Variants in KCTD18 observed in about 807,000 individuals in gnomAD.
KCTD18 encodes the protein potassium channel tetramerization domain containing 18.
Under a neutral mutation model 30.4 loss-of-function variants are expected in KCTD18, and 22 were observed. The ratio of observed to expected loss-of-function variants is 0.72; its 90% CI spans 0.52 to 1.03. The LOEUF (loss-of-function observed/expected upper bound fraction) is 1.03, where lower values mean the gene tolerates loss of function less well. Ranked by LOEUF, KCTD18 falls within the 50% of genes least tolerant of loss-of-function variation. The pLI is 0.00. For synonymous variants in KCTD18, 186 were observed against 209.0 expected, an observed-to-expected ratio of 0.89 and a Z score of 0.95; for missense variants, 529 against 547.6, an observed-to-expected ratio of 0.97 and a Z score of 0.34.
In KCTD18 at chr2:200,504,866, C is replaced by A. The variant is rs146525246; in HGVS notation, c.254G>T (p.Arg85Leu). 4 of 1,613,974 alleles carry A rather than the reference C, an allele frequency of 2.5e-6. No individual in the cohort carries two copies. The highest frequency in any genetic ancestry group is 3.4e-6 in the Non-Finnish European group (4 of 1,179,988). The change falls in exon 3 of 7, where the codon CGC (arginine) becomes CTC (leucine). Residue 85 changes from arginine to leucine, a missense_variant. Arg to Leu is a moderately radical substitution (Grantham distance 102). Coordinates refer to ENST00000359878, the MANE Select transcript of KCTD18 (RefSeq NM_152387.4). ...ATCAGCCTCTTCCTGTAGGGCGATG[C>A]GGGTTTGCTCATCTGTGGGAATCTG... ...EVQIPTDEQT[R>L]IALQEEADYF...
rs181056732 is a variant in KCTD18 at position 200,493,129 on chromosome 2, C to T, written c.764+43G>A. 6.3e-5 allele frequency: 72 copies of T among 1,148,638 alleles called. No homozygotes were observed. In the Middle Eastern group the frequency reaches 2.9e-3, roughly 47 times the overall value. The allele number at this position is 1,148,638 out of a possible 1,614,324, so 71.2% of individuals were successfully genotyped here. On this transcript the variant is annotated intron_variant, in intron 6 of 6. Transcript: ENST00000359878. ...TTCACAAAGGCAGTAAAAATGTCAG[C>T]GATTAAAAAAACAAAACAAATAAAC...
chr2:200,492,463 G>A (rs1441168097), intron 6 of KCTD18, among the ~76,000 whole-genome samples: 2 of 152,188 alleles, frequency 1.3e-5, no homozygotes, highest in Non-Finnish European at 2.9e-5. Context: ...AATAAGATCT[G>A]TTTTGACAAG....
intron 1 of KCTD18, among the ~76,000 whole-genome samples, chr2:200,508,877 T>C (rs951126476): frequency 3.9e-5 from 6 of 152,316 alleles, no homozygotes; most frequent in South Asian, 2.1e-4. Context: ...CCTGGAATCC[T>C]ATCTATTCTT....
intron 1 of KCTD18, 113 bp downstream of exon 1, chr2:200,509,515 A>T (rs539631770): frequency 6.6e-6 from 1 of 152,522 alleles, no homozygotes; most frequent in South Asian, 2.1e-4. Flanking sequence ...AGGCCACACC[A>T]GGGGGGCACT....
intron 6 of KCTD18, 33 bp from the exon 7 acceptor site, chr2:200,490,649 G>A: frequency 6.5e-7 from 1 of 1,539,900 alleles, no homozygotes; most frequent in Admixed American, 1.9e-5. Flanking sequence ...TTTTCCACAT[G>A]TATAGTTTTA....
In KCTD18 at chr2:200,489,156, T is replaced by C; in HGVS notation, c.*944A>G. 6.6e-6 allele frequency: 1 copy of C among 152,514 alleles called. No individual in the cohort carries two copies. Among genetic ancestry groups the C allele is most frequent in the South Asian group, 2.1e-4 (1 of 4,820 alleles). The allele number at this position is 152,514 out of a possible 1,614,324, so 9.4% of individuals were successfully genotyped here. The stretch of plus-strand genomic sequence containing the variant: ...GTGATCCAATTACAAAACATAACAT[T>C]TACGAATAAACACACACAACTGAAT... On this transcript the variant is annotated 3_prime_UTR_variant, in exon 7 of 7. Transcript: ENST00000359878.
In KCTD18 at chr2:200,490,647, A is replaced by T. The variant is rs1318004949; in HGVS notation, c.765-31T>A. On this transcript the variant is annotated intron_variant, in intron 6 of 6. Transcript: ENST00000359878. ...AATACAGAAGCGTGTCATTTTCCAC[A>T]TGTATAGTTTTAGTAACTCATGAAA... 1.9e-6 allele frequency: 3 copies of T among 1,543,764 alleles called. No homozygotes were observed. The East Asian group carries it at 6.8e-5, about 35-fold the overall frequency.
At position 200,490,761 on chromosome 2, in the gene KCTD18, C is replaced by T. The variant is rs1425805330; in HGVS notation, c.765-145G>A. The T allele has an allele frequency of 6.3e-5, 48 of 756,340 alleles. 1 individual carries two copies. The highest frequency in any genetic ancestry group is 9.5e-5 in the Non-Finnish European group (47 of 493,492). The allele number at this position is 756,340 out of a possible 1,614,324, so 46.9% of individuals were successfully genotyped here. On this transcript the variant is annotated intron_variant, in intron 6 of 6. Coordinates refer to ENST00000359878, the MANE Select transcript of KCTD18 (RefSeq NM_152387.4). ...AGGTTTATGGGCACCTACCTCATCT[C>T]TCATCTCCCACCAAGGTCAGTAAGC...
intron 1 of KCTD18, among the ~76,000 whole-genome samples, chr2:200,507,527 T>C (rs1265800100): frequency 6.6e-6 from 1 of 152,242 alleles, no homozygotes; most frequent in Non-Finnish European, 1.5e-5. Flanking sequence ...AAATTACTTA[T>C]CTTCCTCTTC....
rs2087889949 is a variant in KCTD18 at position 200,490,262 on chromosome 2, G to A, written c.1119C>T (p.Pro373=). 1 of 1,614,242 alleles carries A rather than the reference G, an allele frequency of 6.2e-7. No homozygotes were observed. The highest frequency in any genetic ancestry group is 8.5e-7 in the Non-Finnish European group (1 of 1,180,040). ...TCCTCTTCAGCTTTATCACCCGCTG[G>A]GGTGTAGGCTTCTTGTCGGAGAGTA... ...KVLLSDKKPT[P]QRVIKLKRTP... is the part of the protein sequence containing the mutation. Residue 373 remains proline (P), a synonymous_variant, in exon 7 of 7, where the codon CCC becomes CCT. Coordinates refer to ENST00000359878, the MANE Select transcript of KCTD18 (RefSeq NM_152387.4).
rs941978794 is a variant in KCTD18, at chr2:200,489,149, A to T, written c.*951T>A. 11 of 152,770 alleles carry T rather than the reference A, an allele frequency of 7.2e-5. No homozygotes were observed. The South Asian group carries it at 1.7e-3, about 23-fold the overall frequency. 9.5% of individuals were successfully genotyped at this position (152,770 alleles called of 1,614,324 possible). A position where few individuals can be genotyped will look rare whatever the true frequency, so the allele number is the denominator to read the frequency against. On this transcript the variant is annotated 3_prime_UTR_variant, in exon 7 of 7. Transcript: ENST00000359878. ...GAAATATGTGATCCAATTACAAAAC[A>T]TAACATTTACGAATAAACACACACA... is the stretch of plus-strand genomic sequence containing the variant.
chr2:200,509,486 T>A (rs1048380483), intron 1 of KCTD18, 142 bp downstream of exon 1: 1 of 152,318 alleles, frequency 6.6e-6, no homozygotes, highest in African/African-American at 2.4e-5. Context: ...CTCCTAAGGA[T>A]AGGAACATCA....
chr2:200,495,813 T>C (rs1431804605), intron 5 of KCTD18: 1 of 151,956 alleles, frequency 6.6e-6, no homozygotes, highest in Non-Finnish European at 1.5e-5. Flanking sequence ...TTATTTATCC[T>C]AGTTTTTTAT....
chr2:200,501,119 T>C (rs1187543209), intron 3 of KCTD18, among the ~76,000 whole-genome samples: 14 of 152,072 alleles, frequency 9.2e-5, no homozygotes, highest in African/African-American at 2.7e-4. Flanking sequence ...CCTTACACCG[T>C]ATACAAAAAT....
chr2:200,492,759 A>G (rs1019899524), intron 6 of KCTD18, among the ~76,000 whole-genome samples: 1 of 152,252 alleles, frequency 6.6e-6, no homozygotes, highest in African/African-American at 2.4e-5. Flanking sequence ...TAAAAGTGCT[A>G]TTTGTGGCAA....
chr2:200,498,851 A>G, intron 4 of KCTD18, 40 bp downstream of exon 4: 1 of 1,562,358 alleles, frequency 6.4e-7, no homozygotes, highest in Non-Finnish European at 8.8e-7. Context: ...AGAGACCAAG[A>G]CTTTATTTTG....
intron 6 of KCTD18, among the ~76,000 whole-genome samples, chr2:200,492,180 C>T (rs1346150966): frequency 6.6e-6 from 1 of 152,202 alleles, no homozygotes; most frequent in Non-Finnish European, 1.5e-5. Context: ...AACCTCGGCA[C>T]TATTACCATT....
At chr2:200,505,037 A>C in intron 2 of KCTD18, 78 bp from the exon 3 acceptor site, 1 of 1,044,358 alleles carries the variant, frequency 9.6e-7, no homozygotes, top group Non-Finnish European at 1.4e-6. Context: ...ACTAGGTCTG[A>C]GGACCTCTAC....
In KCTD18 at chr2:200,494,079, G is replaced by A. The variant is rs547016200; in HGVS notation, c.662-805C>T. 4.0e-4 allele frequency among the ~76,000 whole-genome samples: 61 copies of A among 152,190 alleles called. No individual in the cohort carries two copies. In the South Asian group the frequency reaches 7.3e-3, roughly 18 times the overall value. On this transcript the variant is annotated intron_variant, in intron 5 of 6. Coordinates refer to ENST00000359878, the MANE Select transcript of KCTD18 (RefSeq NM_152387.4). ...AAAATGTATTTATTCTTGAAGCCTC[G>A]AAAACATTATGCTAAGTGAAAAACA...
Sources: allele counts gnomAD v4.1 joint callset (sites outside exome capture counted in the v4.1 genomes callset), GRCh38; gene constraint gnomAD v4.1.1; transcripts MANE v1.5; gene names NCBI Gene and HGNC (gene_info 2026-07-23, HGNC 2026-07-21).